Variants in RSRC1 observed in about 807,000 individuals in gnomAD.
RSRC1 encodes the protein arginine and serine rich coiled-coil 1, also known as serine/Arginine-related protein 53.
A neutral mutation model predicts 49.1 loss-of-function variants in RSRC1; 39 were observed. The ratio of observed to expected loss-of-function variants is 0.79; its 90% CI spans 0.61 to 1.04. RSRC1 has a LOEUF of 1.04. Among genes scored for constraint, RSRC1 ranks in the 50% least tolerant of loss-of-function variants. The pLI is 0.00. For missense variants in RSRC1, 388 were observed against 402.4 expected (o/e 0.96, Z 0.31); for synonymous variants, 143 against 130.8 (o/e 1.09, Z -0.63).
At chr3:158,270,105 G>A (rs1270016248) in intron 4 of RSRC1, among the ~76,000 whole-genome samples, 3 of 152,056 alleles carry the variant, frequency 2.0e-5, no homozygotes, top group African/African-American at 4.8e-5. Flanking sequence ...GTTGGAACCC[G>A]CTTGTGACTC....
chr3:158,198,805 C>G (rs971023339), intron 3 of RSRC1, among the ~76,000 whole-genome samples: 2 of 152,074 alleles, frequency 1.3e-5, no homozygotes, highest in African/African-American at 4.8e-5. Context: ...CATCTTGGCT[C>G]CACCCCCCGC....
At chr3:158,211,231 G>C (rs542208476) in intron 4 of RSRC1, among the ~76,000 whole-genome samples, 1 of 151,850 alleles carries the variant, frequency 6.6e-6, no homozygotes, top group African/African-American at 2.4e-5. Flanking sequence ...TCTTTGGACC[G>C]GTATGGAATG....
At chr3:158,250,885 G>A (rs1267279856) in intron 4 of RSRC1, among the ~76,000 whole-genome samples, 1 of 152,104 alleles carries the variant, frequency 6.6e-6, no homozygotes, top group African/African-American at 2.4e-5. Context: ...CTGTGCTTGT[G>A]GGGTATTAGT....
At position 158,423,394 on chromosome 3, in the gene RSRC1, C is replaced by T. The variant is rs1411076922; in HGVS notation, c.584-37541C>T. On this transcript the variant is annotated intron_variant, in intron 6 of 9. Transcript: ENST00000611884. ...CAAAGATCAGATAGTTGTAGATATG[C>T]GGTGTTATTTCTGAGGGCTCTGTTC... Among the ~76,000 whole-genome samples the T allele has an allele frequency of 2.7e-4, 41 of 151,712 alleles. No individual in the cohort carries two copies. In the South Asian group the frequency reaches 4.6e-3, roughly 17 times the overall value.
At chr3:158,388,690 AAC>A (rs1238179594) in intron 6 of RSRC1, among the ~76,000 whole-genome samples, 1 of 151,346 alleles carries the variant, frequency 6.6e-6, no homozygotes, top group Non-Finnish European at 1.5e-5. Flanking sequence ...GCTCACTGCA[AAC>A]TCCGCCTCCC....
At chr3:158,277,067 G>A (rs954228707) in intron 4 of RSRC1, among the ~76,000 whole-genome samples, 4 of 152,120 alleles carry the variant, frequency 2.6e-5, no homozygotes, top group African/African-American at 9.7e-5. Flanking sequence ...AAGGTATCCT[G>A]TAAACATAAA....
At chr3:158,317,577 G>A (rs1728531265) in intron 5 of RSRC1, among the ~76,000 whole-genome samples, 1 of 149,890 alleles carries the variant, frequency 6.7e-6, no homozygotes, top group Admixed American at 6.7e-5. Context: ...TTTTATTTGT[G>A]AGACAGAGTC....
chr3:158,261,552 A>G (rs1578257359), intron 4 of RSRC1, among the ~76,000 whole-genome samples: 1 of 152,224 alleles, frequency 6.6e-6, no homozygotes, highest in South Asian at 2.1e-4. Context: ...ATGGCCTGTT[A>G]GTAATTGGGA....
At chr3:158,370,428 C>T (rs911921631) in intron 6 of RSRC1, among the ~76,000 whole-genome samples, 4 of 151,948 alleles carry the variant, frequency 2.6e-5, no homozygotes, top group African/African-American at 9.7e-5. Context: ...CTCCCTATTC[C>T]TGGACCTTAG....
Position 158,537,111 on chromosome 3 carries a change from A to G in RSRC1, c.672A>G (p.Glu224=). Residue 224 remains glutamate (E), a synonymous_variant, in exon 8 of 10, where the codon GAA becomes GAG. Transcript: ENST00000611884. ...TTTCAGACCAAGCCACCCTGGTAGA[A>G]CAAGTAAAAAGAGTAAAAGAAATTG... ...RKEEDQATLV[E]QVKRVKEIEA... is the part of the protein sequence containing the mutation. The G allele has an allele frequency of 6.2e-7, 1 of 1,608,730 alleles. No individual in the cohort carries two copies. The highest frequency in any genetic ancestry group is 8.5e-7 in the Non-Finnish European group (1 of 1,176,570).
chr3:158,257,551 G>A (rs375250401), intron 4 of RSRC1, among the ~76,000 whole-genome samples: 5 of 151,924 alleles, frequency 3.3e-5, no homozygotes, highest in African/African-American at 9.7e-5. Flanking sequence ...TATGTTTCTT[G>A]TAGGCAGCAG....
At position 158,152,647 on chromosome 3, in the gene RSRC1, A is replaced by G. The variant is rs563779205; in HGVS notation, c.320+28656A>G. Among the ~76,000 whole-genome samples the G allele has an allele frequency of 1.1e-4, 16 of 152,330 alleles. No individual in the cohort carries two copies. In the South Asian group the frequency reaches 1.7e-3, roughly 16 times the overall value. ...TGGTATATAAATGTTTGATTACTCA[A>G]TGTTTCCAGTTCGTGTCTGTTGCCT... On this transcript the variant is annotated intron_variant, in intron 3 of 9. Coordinates refer to ENST00000611884, the MANE Select transcript of RSRC1 (RefSeq NM_001271838.2).
intron 7 of RSRC1, among the ~76,000 whole-genome samples, chr3:158,493,339 T>C (rs1739167571): frequency 6.6e-6 from 1 of 152,146 alleles, no homozygotes. Flanking sequence ...TTTTAAAATT[T>C]AGACTTTTAG....
chr3:158,240,624 C>T (rs1723517551), intron 4 of RSRC1, among the ~76,000 whole-genome samples: 1 of 152,086 alleles, frequency 6.6e-6, no homozygotes, highest in South Asian at 2.1e-4. Context: ...GTATAGTAGT[C>T]TTCTCCTTAT....
At chr3:158,279,585 A>T (rs1196855296) in intron 4 of RSRC1, among the ~76,000 whole-genome samples, 1 of 152,238 alleles carries the variant, frequency 6.6e-6, no homozygotes, top group South Asian at 2.1e-4. Flanking sequence ...ACTAATAAAA[A>T]TTAGGTGAAA....
At chr3:158,463,983 T>C (rs1737749451) in intron 7 of RSRC1, among the ~76,000 whole-genome samples, 1 of 150,510 alleles carries the variant, frequency 6.6e-6, no homozygotes, top group Non-Finnish European at 1.5e-5. Flanking sequence ...TCAGTAAAGG[T>C]CAACTAAATA....
intron 4 of RSRC1, among the ~76,000 whole-genome samples, chr3:158,251,331 A>AT (rs1467399345): frequency 2.6e-5 from 4 of 151,472 alleles, no homozygotes; most frequent in East Asian, 1.9e-4. Context: ...AAATTTTAGG[A>AT]TTTTTTTTCT....
At chr3:158,540,381 A>G (rs1034578894) in intron 8 of RSRC1, among the ~76,000 whole-genome samples, 12 of 152,212 alleles carry the variant, frequency 7.9e-5, no homozygotes, top group Non-Finnish European at 1.8e-4. Flanking sequence ...AGTAGTCATA[A>G]GCATCTTAAC....
At chr3:158,525,442 A>G (rs1711953085) in intron 7 of RSRC1, among the ~76,000 whole-genome samples, 1 of 151,988 alleles carries the variant, frequency 6.6e-6, no homozygotes, top group African/African-American at 2.4e-5. Context: ...ACTCTTCTAC[A>G]CTGCTGTTGG....
Sources: gnomAD v4.1 joint callset for allele counts (sites outside exome capture counted in the v4.1 genomes callset) on GRCh38, gnomAD v4.1.1 for gene constraint, MANE v1.5 for transcripts, NCBI Gene and HGNC (gene_info 2026-07-23, HGNC 2026-07-21) for gene names.